PUS7L: variants seen among roughly 807,000 people sequenced by gnomAD.
The protein encoded by PUS7L is pseudouridine synthase 7 like, also known as pseudouridylate synthase PUS7L.
Under a neutral mutation model 51.1 loss-of-function variants are expected in PUS7L, and 49 were observed. The observed-to-expected ratio is 0.96, with a 90% CI of 0.76 to 1.22. The LOEUF is 1.22. Ranked by LOEUF, PUS7L falls within the 50% of genes most tolerant of loss-of-function variation. PUS7L has a pLI of 0.00. For missense variants in PUS7L, 828 were observed against 820.6 expected, an observed-to-expected ratio of 1.01 and a Z score of -0.11; for synonymous variants, 277 against 276.2, an observed-to-expected ratio of 1.00 and a Z score of -0.03.
In PUS7L at chr12:43,754,974, A is replaced by G; in HGVS notation, c.272T>C (p.Leu91Ser). The change falls in exon 2 of 9, where the codon TTG becomes TCG. Residue 91 changes from leucine to serine, a missense_variant. Transcript: ENST00000344862. ...TTGGTCACCATCAGTGTACTTAATC[A>G]AAGTATGAACTTCTTGGTTTCTTCC... ...EDGRNQEVHT[L>S]IKYTDGDQNH... The G allele has an allele frequency of 6.2e-7, 1 of 1,613,726 alleles. No homozygotes were observed.
At position 43,727,354 on chromosome 12, in the gene PUS7L, T is replaced by A. The variant is rs1245675825; in HGVS notation, c.*3022A>T. On this transcript the variant is annotated 3_prime_UTR_variant, in exon 9 of 9. Coordinates refer to ENST00000344862, the MANE Select transcript of PUS7L (RefSeq NM_031292.5). ...TATTGGTTATATACCCAAAGGAATA[T>A]AAATTGTTCTACCATAAAGACCATG... 5 of 152,170 alleles carry A rather than the reference T, an allele frequency of 3.3e-5. No homozygotes were observed. The highest frequency in any genetic ancestry group is 3.3e-4 in the Admixed American group (5 of 15,272). The allele number at this position is 152,170 out of a possible 1,614,324, so 9.4% of individuals were successfully genotyped here.
chr12:43,735,836 G>A (rs1300175088), intron 7 of PUS7L, among the ~76,000 whole-genome samples: 4 of 152,018 alleles, frequency 2.6e-5, no homozygotes, highest in Non-Finnish European at 4.4e-5. Context: ...GAGCGCCATG[G>A]CACGATCTCG....
rs1944447903 is a variant in PUS7L, at chr12:43,725,863, C to T, written c.*4513G>A. 1 of 151,946 alleles carries T rather than the reference C, an allele frequency of 6.6e-6. No individual in the cohort carries two copies. The highest frequency in any genetic ancestry group is 1.5e-5 in the Non-Finnish European group (1 of 68,012). The allele number at this position is 151,946 out of a possible 1,614,324, so 9.4% of individuals were successfully genotyped here. A position where few individuals can be genotyped will look rare whatever the true frequency, so the allele number is the denominator to read the frequency against. On this transcript the variant is annotated 3_prime_UTR_variant, in exon 9 of 9. Transcript: ENST00000344862. ...AATCTGCAAATAAGGGAAGATAATACCTCCACACAGGGTGGGAATATGGAT... is the reference window on the plus strand; with the variant it reads ...AATCTGCAAATAAGGGAAGATAATATCTCCACACAGGGTGGGAATATGGAT...
Position 43,730,408 on chromosome 12 carries a change from A to T in PUS7L, c.2074T>A (p.Cys692Ser), listed in dbSNP as rs758362051. Reference sequence around the variant, plus strand: ...TCATGCTTCATTATTTCCTTCAGACAAACGGTAGCATAGCATGAAGCATCA... The same window carrying T: ...TCATGCTTCATTATTTCCTTCAGACTAACGGTAGCATAGCATGAAGCATCA... ...DLDASCYATV[C>S]LKEIMKHDV The change falls in exon 9 of 9, where the codon TGT becomes AGT. Residue 692 changes from cysteine to serine, a missense_variant. By Grantham distance (112) the Cys-to-Ser change is moderately radical. Transcript: ENST00000344862. 6.2e-7 allele frequency: 1 copy of T among 1,613,666 alleles called. No individual in the cohort carries two copies. Among genetic ancestry groups the T allele is most frequent in the Non-Finnish European group, 8.5e-7 (1 of 1,179,712 alleles).
In PUS7L at chr12:43,726,731, G is replaced by C. The variant is rs1944459743; in HGVS notation, c.*3645C>G. The C allele has an allele frequency of 6.6e-6, 1 of 152,072 alleles. No homozygotes were observed. Among genetic ancestry groups the C allele is most frequent in the African/African-American group, 2.4e-5 (1 of 41,358 alleles). The allele number at this position is 152,072 out of a possible 1,614,324, so 9.4% of individuals were successfully genotyped here. A position where few individuals can be genotyped will look rare whatever the true frequency, so the allele number is the denominator to read the frequency against. On this transcript the variant is annotated 3_prime_UTR_variant, in exon 9 of 9. Transcript: ENST00000344862. The stretch of plus-strand genomic sequence containing the variant: ...TAATCCCAGCTACTTGAGAGGCTGG[G>C]GCAGGAGAATGGCTTGAACCCAGGA...
Position 43,726,307 on chromosome 12 carries a change from T to C in PUS7L, c.*4069A>G, listed in dbSNP as rs1449838920. 6.6e-6 allele frequency: 1 copy of C among 152,194 alleles called. No individual in the cohort carries two copies. Among genetic ancestry groups the C allele is most frequent in the African/African-American group, 2.4e-5 (1 of 41,448 alleles). The allele number at this position is 152,194 out of a possible 1,614,324, so 9.4% of individuals were successfully genotyped here. A position where few individuals can be genotyped will look rare whatever the true frequency, so the allele number is the denominator to read the frequency against. ...CAAGCAACAGGGAAAGGACTCCCTATTTAATAAATGGTGCTGGGATAACTG... is the reference window on the plus strand; with the variant it reads ...CAAGCAACAGGGAAAGGACTCCCTACTTAATAAATGGTGCTGGGATAACTG... On this transcript the variant is annotated 3_prime_UTR_variant, in exon 9 of 9. Coordinates refer to ENST00000344862, the MANE Select transcript of PUS7L (RefSeq NM_031292.5).
chr12:43,735,738 A>C (rs1235542724), intron 7 of PUS7L, among the ~76,000 whole-genome samples: 1 of 152,146 alleles, frequency 6.6e-6, no homozygotes, highest in Non-Finnish European at 1.5e-5. Context: ...ACAGGGAATC[A>C]CATTAGGATG....
intron 1 of PUS7L, among the ~76,000 whole-genome samples, chr12:43,755,774 T>C (rs1938670382): frequency 6.6e-6 from 1 of 152,184 alleles, no homozygotes; most frequent in Non-Finnish European, 1.5e-5. Flanking sequence ...AATACAAATT[T>C]GTGATTTGAT....
intron 7 of PUS7L, among the ~76,000 whole-genome samples, chr12:43,732,287 A>T (rs749072742): frequency 2.2e-4 from 34 of 151,588 alleles, no homozygotes; most frequent in South Asian, 4.2e-4. Context: ...ATAAAAAAAA[A>T]TTTTTTTTTA....
Position 43,750,825 on chromosome 12 carries a change from A to G in PUS7L, c.911-2216T>C, listed in dbSNP as rs114501396. ...AGACAGAATCCAGGTAGAGCACAGG[A>G]GTTTTGCTGAGTTAGGAGGGTAGAT... On this transcript the variant is annotated intron_variant, in intron 2 of 8. Coordinates refer to ENST00000344862, the MANE Select transcript of PUS7L (RefSeq NM_031292.5). Among the ~76,000 whole-genome samples, 1,276 of 152,240 alleles carry G rather than the reference A, an allele frequency of 8.4e-3. 17 individuals are homozygous for G. The highest frequency in any genetic ancestry group is 0.028 in the African/African-American group (1,155 of 41,538).
At chr12:43,732,148 A>C (rs1256440177) in intron 7 of PUS7L, among the ~76,000 whole-genome samples, 2 of 151,928 alleles carry the variant, frequency 1.3e-5, no homozygotes, top group Non-Finnish European at 2.9e-5. Flanking sequence ...AAAATATAAT[A>C]ATCTATACAG....
At position 43,748,488 on chromosome 12, in the gene PUS7L, G is replaced by A. The variant is rs746460310; in HGVS notation, c.1032C>T (p.Thr344=). 4 of 1,605,888 alleles carry A rather than the reference G, an allele frequency of 2.5e-6. No individual in the cohort carries two copies. The highest frequency in any genetic ancestry group is 1.7e-5 in the Admixed American group (1 of 57,914). ...YAGLKDKKAI[T]YQAMVVRKVT... ...CTTTTCTAACAACCATTGCTTGATA[G>A]GTGATGGCTTTCTTGTCTTTAAGGC... Residue 344 remains threonine, a synonymous_variant, in exon 3 of 9, where the codon ACC becomes ACT. Transcript: ENST00000344862.
rs959323508 is a variant in PUS7L at position 43,728,737 on chromosome 12, T to G, written c.*1639A>C. The G allele has an allele frequency of 6.6e-6, 1 of 152,404 alleles. No homozygotes were observed. Among genetic ancestry groups the G allele is most frequent in the Admixed American group, 6.5e-5 (1 of 15,274 alleles). The allele number at this position is 152,404 out of a possible 1,614,324, so 9.4% of individuals were successfully genotyped here. On this transcript the variant is annotated 3_prime_UTR_variant, in exon 9 of 9. Transcript: ENST00000344862. ...ATTTATTTGCTTTTCTCTTCCAAAC[T>G]TGCATCTGCAGACACTTACTTAACA...
At chr12:43,749,790 G>A (rs576615871) in intron 2 of PUS7L, among the ~76,000 whole-genome samples, 23 of 152,186 alleles carry the variant, frequency 1.5e-4, no homozygotes, top group Non-Finnish European at 2.4e-4. Flanking sequence ...AATTAACAAA[G>A]GAACAGAAAA....
intron 1 of PUS7L, chr12:43,758,273 G>C (rs1938942369): frequency 1.0e-6 from 1 of 973,744 alleles, no homozygotes; most frequent in South Asian, 4.7e-5. Flanking sequence ...CCTGGTAGAA[G>C]AGTGGAACTG....
Position 43,748,588 on chromosome 12 carries a change from T to A in PUS7L, c.932A>T (p.Asn311Ile). 6.3e-7 allele frequency: 1 copy of A among 1,588,600 alleles called. No individual in the cohort carries two copies. Among genetic ancestry groups the A allele is most frequent in the South Asian group, 1.2e-5 (1 of 85,480 alleles). The change falls in exon 3 of 9, where the codon AAC becomes ATC. Residue 311 changes from asparagine to isoleucine, a missense_variant. Physicochemically the swap from Asn to Ile is moderately radical, Grantham distance 149 (BLOSUM62 -3). Coordinates refer to ENST00000344862, the MANE Select transcript of PUS7L (RefSeq NM_031292.5). The part of the protein sequence containing the change: ...IYTAFTLRKE[N>I]LEMFEAIGFL... ...ACCAATCGCTTCAAACATTTCCAGG[T>A]TTTCCTTTCGTAGGGTAAAAGCTGA...
intron 2 of PUS7L, among the ~76,000 whole-genome samples, chr12:43,752,706 ATGGTGG>A (rs1938512765): frequency 6.6e-6 from 1 of 152,184 alleles, no homozygotes; most frequent in Non-Finnish European, 1.5e-5. Context: ...AGAATGAAAA[ATGGTGG>A]TTCCCATTTT....
intron 2 of PUS7L, among the ~76,000 whole-genome samples, chr12:43,752,287 T>C (rs1476465446): frequency 1.3e-5 from 2 of 152,218 alleles, no homozygotes; most frequent in Non-Finnish European, 2.9e-5. Context: ...TCCAAAGGGC[T>C]GTTTTGAGTA....
chr12:43,738,533 CA>C (rs1937725970), intron 5 of PUS7L, 142 bp from the exon 6 acceptor site: 1 of 586,664 alleles, frequency 1.7e-6, no homozygotes, highest in Non-Finnish European at 3.0e-6. Context: ...TTTAGGCTTG[CA>C]AAAATTAAAC....
Sources: gnomAD v4.1 joint callset for allele counts (sites outside exome capture counted in the v4.1 genomes callset) on GRCh38, gnomAD v4.1.1 for gene constraint, MANE v1.5 for transcripts, NCBI Gene and HGNC (gene_info 2026-07-23, HGNC 2026-07-21) for gene names.